The following SH3D19 variants were observed in gnomAD, a reference collection of about 807,000 sequenced individuals.
SH3D19 encodes SH3 domain-containing protein 19.
In SH3D19, 58 loss-of-function variants were observed where a neutral mutation model predicts 112.1. The observed-to-expected ratio is 0.52, with a 90% confidence interval of 0.42 to 0.64. The LOEUF (loss-of-function observed/expected upper bound fraction) is 0.64, where lower values mean the gene tolerates loss of function less well. Among genes scored for constraint, SH3D19 ranks in the 30% least tolerant of loss-of-function variants. The pLI, the probability that SH3D19 is intolerant of heterozygous loss-of-function variation, is 0.00. For synonymous variants in SH3D19, 391 were observed against 448.5 expected, an observed-to-expected ratio of 0.87 and a Z score of 1.62; for missense variants, 1,090 against 1,263.4, an observed-to-expected ratio of 0.86 and a Z score of 2.08.
intron 2 of SH3D19, among the ~76,000 whole-genome samples, chr4:151,202,685 GCAGA>G (rs778230053): frequency 5.3e-5 from 8 of 152,282 alleles, no homozygotes; most frequent in East Asian, 1.9e-4. Flanking sequence ...AGGTAGGTAG[GCAGA>G]CAGACAGACA....
rs371111514 is a variant in SH3D19, at chr4:151,159,031, T to A, written c.1755+209A>T. On this transcript the variant is annotated intron_variant, in intron 9 of 19. Coordinates refer to ENST00000604030, the MANE Select transcript of SH3D19 (RefSeq NM_001378122.1). ...GTATACAAATTATTTTATAGTGAAG[T>A]ACAATGAATTGGCCTAATCTCTCTA... Among the ~76,000 whole-genome samples, 192 of 152,308 alleles carry A rather than the reference T, an allele frequency of 1.3e-3. 1 individual carries two copies. Among genetic ancestry groups the A allele is most frequent in the African/African-American group, 4.3e-3 (180 of 41,584 alleles).
At chr4:151,277,709 C>T (rs1773778117) in intron 1 of SH3D19, among the ~76,000 whole-genome samples, 1 of 152,044 alleles carries the variant, frequency 6.6e-6, no homozygotes, top group South Asian at 2.1e-4. Flanking sequence ...CAGGTATATG[C>T]TTGTTCATTT....
chr4:151,250,884 G>A (rs928427738), intron 1 of SH3D19, among the ~76,000 whole-genome samples: 3 of 152,146 alleles, frequency 2.0e-5, no homozygotes, highest in Admixed American at 1.3e-4. Flanking sequence ...GGCTGGATAC[G>A]TCGTTAGCTG....
intron 2 of SH3D19, among the ~76,000 whole-genome samples, chr4:151,223,365 A>AT (rs1313522657): frequency 1.3e-5 from 2 of 151,868 alleles, no homozygotes; most frequent in African/African-American, 2.4e-5. Context: ...CATTATCATC[A>AT]TTTTTTTTGG....
intron 7 of SH3D19, among the ~76,000 whole-genome samples, chr4:151,172,180 C>T (rs958429610): frequency 1.3e-5 from 2 of 152,150 alleles, no homozygotes; most frequent in African/African-American, 4.8e-5. Flanking sequence ...GGCAAGGTTT[C>T]CCAGGACCAT....
intron 1 of SH3D19, among the ~76,000 whole-genome samples, chr4:151,292,982 T>C (rs527814316): frequency 6.6e-6 from 1 of 151,900 alleles, no homozygotes; most frequent in East Asian, 1.9e-4. Context: ...TAGCCAGGCA[T>C]GGTGGCGGGT....
chr4:151,239,249 G>T (rs1770368924), intron 1 of SH3D19, among the ~76,000 whole-genome samples: 1 of 152,122 alleles, frequency 6.6e-6, no homozygotes, highest in African/African-American at 2.4e-5. Context: ...CTACGATAAG[G>T]TTCTTTAAGA....
At chr4:151,310,956 T>C (rs1729396233) in intron 1 of SH3D19, among the ~76,000 whole-genome samples, 1 of 150,696 alleles carries the variant, frequency 6.6e-6, no homozygotes, top group Non-Finnish European at 1.5e-5. Context: ...ATAAACAACC[T>C]AAGTCTGATG....
At chr4:151,310,567 A>T (rs980521625) in intron 1 of SH3D19, among the ~76,000 whole-genome samples, 5 of 147,572 alleles carry the variant, frequency 3.4e-5, no homozygotes, top group Admixed American at 6.8e-5. Flanking sequence ...GAAATAAATC[A>T]CTCTCTCTCT....
At chr4:151,247,513 T>C (rs988046810) in intron 1 of SH3D19, among the ~76,000 whole-genome samples, 29 of 152,348 alleles carry the variant, frequency 1.9e-4, no homozygotes, top group African/African-American at 6.7e-4. Flanking sequence ...TTCTTACATA[T>C]AATTTATATT....
chr4:151,204,397 G>A lies in SH3D19; in HGVS notation c.153-16934C>T, dbSNP rs534271076. 2.0e-5 allele frequency among the ~76,000 whole-genome samples: 3 copies of A among 152,322 alleles called. No homozygotes were observed. The South Asian group carries it at 6.2e-4, about 32-fold the overall frequency. On this transcript the variant is annotated intron_variant, in intron 2 of 19. Coordinates refer to ENST00000604030, the MANE Select transcript of SH3D19 (RefSeq NM_001378122.1). ...GAAAAATGCAGAAGGCAGGAAGACT[G>A]CTAACTCTTAATAGGGTTTACATAG... is the stretch of plus-strand genomic sequence containing the variant.
intron 1 of SH3D19, among the ~76,000 whole-genome samples, chr4:151,290,711 A>G (rs1775238695): frequency 6.6e-6 from 1 of 152,218 alleles, no homozygotes; most frequent in Non-Finnish European, 1.5e-5. Flanking sequence ...AAGAAAGAGA[A>G]CAAGACTAGA....
chr4:151,144,245 T>G (rs774051005), intron 11 of SH3D19, 195 bp from the exon 12 acceptor site: 16 of 1,614,016 alleles, frequency 9.9e-6, no homozygotes, highest in Non-Finnish European at 1.4e-5. Context: ...TCCGGGGTTT[T>G]GAGAGACAAT....
intron 2 of SH3D19, among the ~76,000 whole-genome samples, chr4:151,198,317 A>AT (rs113022203): frequency 0.01 from 1,399 of 139,414 alleles, 22 homozygotes; most frequent in South Asian, 0.025. Flanking sequence ...AAAAAAAAAA[A>AT]ATATATATAT....
At chr4:151,185,233 C>T (rs554028642) in intron 3 of SH3D19, among the ~76,000 whole-genome samples, 1 of 152,002 alleles carries the variant, frequency 6.6e-6, no homozygotes, top group Admixed American at 6.6e-5. Context: ...GTGCAGGAGC[C>T]CACAGATATG....
chr4:151,191,576 C>G (rs1031620197), intron 2 of SH3D19, among the ~76,000 whole-genome samples: 2 of 152,032 alleles, frequency 1.3e-5, no homozygotes, highest in African/African-American at 2.4e-5. Context: ...TTCCCCTGTA[C>G]AAGGCATGTA....
intron 9 of SH3D19, among the ~76,000 whole-genome samples, chr4:151,154,658 C>T (rs1201700304): frequency 6.6e-6 from 1 of 152,056 alleles, no homozygotes; most frequent in Non-Finnish European, 1.5e-5. Context: ...CTAACTGCAA[C>T]CTCTGCCTCC....
chr4:151,248,876 T>C (rs924489035), intron 1 of SH3D19, among the ~76,000 whole-genome samples: 3 of 152,198 alleles, frequency 2.0e-5, no homozygotes, highest in Non-Finnish European at 2.9e-5. Flanking sequence ...AAGATTTCCT[T>C]AGAGTGAATT....
intron 2 of SH3D19, among the ~76,000 whole-genome samples, chr4:151,212,002 A>G (rs1766050854): frequency 6.6e-6 from 1 of 152,132 alleles, no homozygotes; most frequent in African/African-American, 2.4e-5. Flanking sequence ...ATGAAGTAGT[A>G]TTATATTGGA....
Sources: gnomAD v4.1 joint callset for allele counts (sites outside exome capture counted in the v4.1 genomes callset) on GRCh38, gnomAD v4.1.1 for gene constraint, MANE v1.5 for transcripts, NCBI Gene and HGNC (gene_info 2026-07-23, HGNC 2026-07-21) for gene names.